RGL1: variants seen among roughly 807,000 people sequenced by gnomAD.
RGL1 encodes the protein ral guanine nucleotide dissociation stimulator-like 1.
A neutral mutation model predicts 95.2 loss-of-function variants in RGL1; 24 were observed. That is an observed-to-expected ratio of 0.25 (90% CI 0.18 to 0.35). RGL1 has a LOEUF of 0.35. Among genes scored for constraint, RGL1 ranks in the 10% least tolerant of loss-of-function variants. RGL1 has a pLI of 1.00. For synonymous variants in RGL1, 329 were observed against 344.9 expected, an observed-to-expected ratio of 0.95 and a Z score of 0.51; for missense variants, 715 against 936.3, an observed-to-expected ratio of 0.76 and a Z score of 3.08.
intron 1 of RGL1, among the ~76,000 whole-genome samples, chr1:183,733,168 G>A (rs1409407463): frequency 1.3e-5 from 2 of 152,014 alleles, no homozygotes; most frequent in Non-Finnish European, 1.5e-5. Flanking sequence ...GTTTGCTAAA[G>A]GACAAATGGG....
At chr1:183,662,232 A>T (rs1347232026) in intron 1 of RGL1, among the ~76,000 whole-genome samples, 1 of 151,154 alleles carries the variant, frequency 6.6e-6, no homozygotes, top group East Asian at 1.9e-4. Context: ...AGGAGAAGGA[A>T]ATAAAGGGTA....
chr1:183,901,415 A>C (rs1298649719), intron 11 of RGL1, among the ~76,000 whole-genome samples: 8 of 152,156 alleles, frequency 5.3e-5, no homozygotes, highest in South Asian at 2.1e-4. Flanking sequence ...TGAGCTCGGG[A>C]GGCAGAGGTT....
chr1:183,862,293 A>T (rs1338953131), intron 3 of RGL1, among the ~76,000 whole-genome samples: 1 of 152,188 alleles, frequency 6.6e-6, no homozygotes, highest in Non-Finnish European at 1.5e-5. Context: ...ACCTAGAAGG[A>T]CAAGGCTACA....
intron 1 of RGL1, among the ~76,000 whole-genome samples, chr1:183,715,765 G>T (rs1448396983): frequency 6.6e-6 from 1 of 151,616 alleles, no homozygotes; most frequent in African/African-American, 2.4e-5. Context: ...CATGTAGAAA[G>T]GGAGGGAGGG....
At chr1:183,674,547 T>C (rs1467291144) in intron 1 of RGL1, among the ~76,000 whole-genome samples, 3 of 152,242 alleles carry the variant, frequency 2.0e-5, no homozygotes, top group Admixed American at 2.0e-4. Flanking sequence ...CTTGGCAGCC[T>C]TGATGGATCA....
intron 2 of RGL1, among the ~76,000 whole-genome samples, chr1:183,751,255 C>T (rs934716973): frequency 1.3e-5 from 2 of 152,182 alleles, no homozygotes; most frequent in African/African-American, 2.4e-5. Context: ...TCAGAGATAC[C>T]CTGCCCAGAG....
intron 3 of RGL1, among the ~76,000 whole-genome samples, chr1:183,863,426 C>T (rs184692814): frequency 1.2e-4 from 18 of 152,156 alleles, no homozygotes; most frequent in Admixed American, 9.2e-4. Context: ...GCTGCAGCCT[C>T]TTGAGTAGCT....
rs1249689915 is a variant in RGL1, at chr1:183,844,781, A to T, written c.139-2785A>T. Reference sequence around the variant, plus strand: ...AGAACAGCTATTAGACCCTGATCTGAGTCAACAGTCTTAAGAGGCCTAAAG... The same window carrying T: ...AGAACAGCTATTAGACCCTGATCTGTGTCAACAGTCTTAAGAGGCCTAAAG... On this transcript the variant is annotated intron_variant, in intron 2 of 17. Coordinates refer to ENST00000360851, the MANE Select transcript of RGL1 (RefSeq NM_001297671.3). 2.6e-5 allele frequency among the ~76,000 whole-genome samples: 4 copies of T among 152,246 alleles called. No homozygotes were observed. In the East Asian group the frequency reaches 7.7e-4, roughly 29 times the overall value.
At chr1:183,757,909 C>G (rs933216194) in intron 2 of RGL1, among the ~76,000 whole-genome samples, 2 of 152,200 alleles carry the variant, frequency 1.3e-5, no homozygotes, top group African/African-American at 2.4e-5. Flanking sequence ...TTAAATCACT[C>G]TAATTTTACA....
intron 10 of RGL1, among the ~76,000 whole-genome samples, chr1:183,898,818 TTGGTA>T (rs1330134080): frequency 2.0e-5 from 3 of 152,314 alleles, no homozygotes; most frequent in East Asian, 1.9e-4. Context: ...AAAACCCTCC[TTGGTA>T]TGAACCTCAC....
intron 2 of RGL1, among the ~76,000 whole-genome samples, chr1:183,831,495 C>T (rs1663254134): frequency 6.6e-6 from 1 of 152,026 alleles, no homozygotes; most frequent in African/African-American, 2.4e-5. Context: ...GGGAGTGACA[C>T]CATCTGATTT....
intron 1 of RGL1, among the ~76,000 whole-genome samples, chr1:183,732,900 C>T (rs1326925811): frequency 2.0e-5 from 3 of 152,096 alleles, no homozygotes; most frequent in Admixed American, 6.5e-5. Context: ...TTTGAAAATC[C>T]GTTTGAAATT....
intron 1 of RGL1, among the ~76,000 whole-genome samples, chr1:183,683,954 AT>A (rs1653394418): frequency 6.6e-6 from 1 of 151,820 alleles, no homozygotes; most frequent in Non-Finnish European, 1.5e-5. Context: ...CGCTTGTTCA[AT>A]TTGGCTATTG....
intron 3 of RGL1, among the ~76,000 whole-genome samples, chr1:183,848,622 A>C (rs1417257917): frequency 1.3e-5 from 2 of 152,202 alleles, no homozygotes; most frequent in Non-Finnish European, 2.9e-5. Context: ...CATGCTAAAA[A>C]TTCTTACACT....
chr1:183,711,845 A>C (rs908539023), intron 1 of RGL1, among the ~76,000 whole-genome samples: 1 of 152,170 alleles, frequency 6.6e-6, no homozygotes, highest in Non-Finnish European at 1.5e-5. Flanking sequence ...CTCTGATGAC[A>C]TCTCTGATAG....
chr1:183,692,111 A>T (rs116814319), intron 1 of RGL1, among the ~76,000 whole-genome samples: 3,755 of 151,804 alleles, frequency 0.025, 72 homozygotes, highest in South Asian at 0.048. Context: ...TTAATATCTT[A>T]TATTTTCTAT....
At chr1:183,681,405 A>G (rs1480047277) in intron 1 of RGL1, among the ~76,000 whole-genome samples, 1 of 152,222 alleles carries the variant, frequency 6.6e-6, no homozygotes, top group Non-Finnish European at 1.5e-5. Flanking sequence ...GTTTTATCAA[A>G]GGCCTTTTCT....
At chr1:183,874,540 A>G (rs1048922725) in intron 4 of RGL1, among the ~76,000 whole-genome samples, 8 of 149,038 alleles carry the variant, frequency 5.4e-5, no homozygotes, top group Admixed American at 6.7e-5. Flanking sequence ...TCCCTTCCCC[A>G]TAGTCCCTGC....
At chr1:183,882,232 G>C (rs1361976734) in intron 5 of RGL1, among the ~76,000 whole-genome samples, 1 of 152,204 alleles carries the variant, frequency 6.6e-6, no homozygotes, top group Non-Finnish European at 1.5e-5. Flanking sequence ...CAGAGAGAAA[G>C]GATCATGTAA....
Sources: allele counts gnomAD v4.1 joint callset (sites outside exome capture counted in the v4.1 genomes callset), GRCh38; gene constraint gnomAD v4.1.1; transcripts MANE v1.5; gene names NCBI Gene and HGNC (gene_info 2026-07-23, HGNC 2026-07-21).